LRRC7: variants seen among roughly 807,000 people sequenced by gnomAD.
The protein encoded by LRRC7 is leucine rich repeat containing 7.
Under a neutral mutation model 175.7 loss-of-function variants are expected in LRRC7, and 23 were observed. The observed-to-expected ratio is 0.13, with a 90% CI of 0.09 to 0.19. LRRC7 has a LOEUF of 0.19. Ranked by LOEUF, LRRC7 falls within the 10% of genes least tolerant of loss-of-function variation. The probability of loss-of-function intolerance (pLI) is 1.00; values close to 1 mark genes in which losing one functional copy is unlikely to be tolerated. For missense variants in LRRC7, 1,354 were observed against 1,904.7 expected (o/e 0.71, Z 5.38); for synonymous variants, 685 against 680.9 (o/e 1.01, Z -0.09).
At chr1:69,692,027 G>T (rs1488801173) in intron 2 of LRRC7, among the ~76,000 whole-genome samples, 1 of 152,128 alleles carries the variant, frequency 6.6e-6, no homozygotes, top group Non-Finnish European at 1.5e-5. Flanking sequence ...CTAGATTGGA[G>T]AACACAGTTG....
chr1:69,758,246 G>C (rs926616663), intron 2 of LRRC7, among the ~76,000 whole-genome samples: 3 of 151,994 alleles, frequency 2.0e-5, no homozygotes, highest in Admixed American at 2.0e-4. Flanking sequence ...TGCGATTCTG[G>C]TTCCCAGAAA....
At chr1:70,046,673 A>C (rs1463949345) in intron 22 of LRRC7, among the ~76,000 whole-genome samples, 1 of 152,100 alleles carries the variant, frequency 6.6e-6, no homozygotes, top group Non-Finnish European at 1.5e-5. Flanking sequence ...CCCCATCACC[A>C]ATGCAGGAAC....
intron 2 of LRRC7, among the ~76,000 whole-genome samples, chr1:69,758,829 T>G (rs1366269224): frequency 6.6e-6 from 1 of 152,044 alleles, no homozygotes; most frequent in Non-Finnish European, 1.5e-5. Flanking sequence ...ACATGAGCAA[T>G]TTTAAAAACA....
At chr1:69,714,123 G>T (rs915866165) in intron 2 of LRRC7, among the ~76,000 whole-genome samples, 1 of 151,886 alleles carries the variant, frequency 6.6e-6, no homozygotes, top group African/African-American at 2.4e-5. Flanking sequence ...CCCTCTTCCC[G>T]GAATGAGATT....
At chr1:70,037,578 A>G (rs890271535) in intron 20 of LRRC7, among the ~76,000 whole-genome samples, 4 of 152,206 alleles carry the variant, frequency 2.6e-5, no homozygotes, top group African/African-American at 7.2e-5. Flanking sequence ...AAGACAATTT[A>G]GATTCATCAG....
intron 2 of LRRC7, among the ~76,000 whole-genome samples, chr1:69,720,908 T>C (rs1387444989): frequency 6.6e-6 from 1 of 151,818 alleles, no homozygotes; most frequent in Non-Finnish European, 1.5e-5. Flanking sequence ...TTCAGTGACA[T>C]TAACTGCATT....
chr1:70,119,328 A>G (rs1437450247), intron 26 of LRRC7, among the ~76,000 whole-genome samples: 1 of 152,016 alleles, frequency 6.6e-6, no homozygotes. Context: ...TATTAATTCA[A>G]TTCAGCATAT....
chr1:69,695,791 G>T (rs1662508281), intron 2 of LRRC7, among the ~76,000 whole-genome samples: 1 of 152,164 alleles, frequency 6.6e-6, no homozygotes, highest in African/African-American at 2.4e-5. Context: ...ACTTCAGAAG[G>T]CACCAACCCT....
intron 2 of LRRC7, among the ~76,000 whole-genome samples, chr1:69,692,462 G>T (rs1303261315): frequency 6.6e-6 from 1 of 152,152 alleles, no homozygotes; most frequent in African/African-American, 2.4e-5. Context: ...AGCTAGAAGG[G>T]CATTTATTAG....
rs931606232 is a variant in LRRC7 at position 70,023,190 on chromosome 1, T to C, written c.1610T>C (p.Leu537Pro). ...GGGATTACTCTCCAACCTGCCAGACTGTCTGGCGATTGCTGCACACCATGG... is the reference window on the plus strand; with the variant it reads ...GGGATTACTCTCCAACCTGCCAGACCGTCTGGCGATTGCTGCACACCATGG... Reference protein sequence around the residue: ...QRGITLQPARLSGDCCTPWAR... With the variant: ...QRGITLQPARPSGDCCTPWAR... The change falls in exon 17 of 27, where the codon CTG becomes CCG. Residue 537 changes from leucine to proline, a missense_variant. By Grantham distance (98) the Leu-to-Pro change is moderately conservative. Coordinates refer to ENST00000651989, the MANE Select transcript of LRRC7 (RefSeq NM_001370785.2). The C allele has an allele frequency of 1.9e-6, 3 of 1,579,802 alleles. No homozygotes were observed. The highest frequency in any genetic ancestry group is 2.3e-5 in the East Asian group (1 of 43,648).
At chr1:69,589,441 T>C (rs1368018684) in intron 1 of LRRC7, among the ~76,000 whole-genome samples, 1 of 152,120 alleles carries the variant, frequency 6.6e-6, no homozygotes, top group Non-Finnish European at 1.5e-5. Flanking sequence ...CGTTCATGTC[T>C]CACTAGGGTA....
intron 1 of LRRC7, among the ~76,000 whole-genome samples, chr1:69,626,384 TAA>T (rs10546011): frequency 0.24 from 31,678 of 129,940 alleles, 3,770 homozygotes; most frequent in East Asian, 0.38. Context: ...ACTTAGAATC[TAA>T]AAAAAAAAAA....
intron 3 of LRRC7, among the ~76,000 whole-genome samples, chr1:69,781,323 G>T (rs1673460738): frequency 6.6e-6 from 1 of 151,976 alleles, no homozygotes; most frequent in Non-Finnish European, 1.5e-5. Flanking sequence ...ACTGTTGTCA[G>T]TTCTCACCAT....
At chr1:70,106,790 C>T (rs1220322482) in intron 25 of LRRC7, among the ~76,000 whole-genome samples, 1 of 152,190 alleles carries the variant, frequency 6.6e-6, no homozygotes, top group Non-Finnish European at 1.5e-5. Flanking sequence ...GTGCTGTCCC[C>T]TCTCTCTGCA....
chr1:69,679,281 G>A (rs1660180093), intron 2 of LRRC7, among the ~76,000 whole-genome samples: 1 of 151,930 alleles, frequency 6.6e-6, no homozygotes, highest in Non-Finnish European at 1.5e-5. Context: ...CCTTTTACAG[G>A]AACTTACATT....
chr1:69,615,712 G>T (rs1649500695), intron 1 of LRRC7, among the ~76,000 whole-genome samples: 1 of 151,874 alleles, frequency 6.6e-6, no homozygotes. Flanking sequence ...GAGAAGAAAG[G>T]GTTCAAAAGA....
In LRRC7 at chr1:70,111,297, G is replaced by T. The variant is rs574279167; in HGVS notation, c.4620+3471G>T. Among the ~76,000 whole-genome samples, 4 of 152,164 alleles carry T rather than the reference G, an allele frequency of 2.6e-5. No homozygotes were observed. In the East Asian group the frequency reaches 7.7e-4, roughly 29 times the overall value. ...TTATTTGAATTACATGAAGATGTGT[G>T]CAATAAGGGATGATGTTAATTAAAA... is the stretch of plus-strand genomic sequence containing the variant. On this transcript the variant is annotated intron_variant, in intron 26 of 26. Coordinates refer to ENST00000651989, the MANE Select transcript of LRRC7 (RefSeq NM_001370785.2).
chr1:69,765,666 A>C (rs536090242), intron 3 of LRRC7, among the ~76,000 whole-genome samples: 1 of 152,070 alleles, frequency 6.6e-6, no homozygotes, highest in Non-Finnish European at 1.5e-5. Flanking sequence ...GGGTGATACA[A>C]ATTATTAAGG....
At chr1:69,578,178 A>G (rs1646035655) in intron 1 of LRRC7, among the ~76,000 whole-genome samples, 1 of 152,038 alleles carries the variant, frequency 6.6e-6, no homozygotes, top group African/African-American at 2.4e-5. Flanking sequence ...GCAGCCAAAA[A>G]ACACGTGAAA....
Sources: gnomAD v4.1 joint callset for allele counts (sites outside exome capture counted in the v4.1 genomes callset) on GRCh38, gnomAD v4.1.1 for gene constraint, MANE v1.5 for transcripts, NCBI Gene and HGNC (gene_info 2026-07-23, HGNC 2026-07-21) for gene names.